Variants in ADH7 observed in about 807,000 individuals in gnomAD.
ADH7 encodes the protein alcohol dehydrogenase 7 (class IV), mu or sigma polypeptide.
ADH7 carries 41 observed loss-of-function variants against 34.4 expected under a neutral mutation model. That is an observed-to-expected ratio of 1.19 (90% CI 0.93 to 1.55). The LOEUF (loss-of-function observed/expected upper bound fraction) is 1.55. ADH7 is among the 40% of genes most tolerant of loss of function. The probability of loss-of-function intolerance (pLI) is 0.00; values close to 1 mark genes in which losing one functional copy is unlikely to be tolerated. For missense variants in ADH7, 540 were observed against 461.2 expected (o/e 1.17, Z -1.56); for synonymous variants, 180 against 160.9 (o/e 1.12, Z -0.90).
intron 7 of ADH7, 146 bp downstream of exon 7, chr4:99,418,840 C>A: frequency 1.0e-6 from 1 of 960,774 alleles, no homozygotes; most frequent in South Asian, 1.8e-5. Context: ...GGAGAATTAT[C>A]TTTTGTGTTA....
chr4:99,427,164 A>T (rs879743461), intron 5 of ADH7, among the ~76,000 whole-genome samples: 24 of 152,184 alleles, frequency 1.6e-4, no homozygotes, highest in Non-Finnish European at 3.1e-4. Context: ...CTAACATCAC[A>T]GTTGATGGAA....
Position 99,425,829 on chromosome 4 carries a change from T to C in ADH7, c.564+1944A>G, listed in dbSNP as rs1393644038. ...TGGAAGTAAAGCTCTCCTCAGCAAA[T>C]GTAAAAGAACACAAATTATAACAAA... On this transcript the variant is annotated intron_variant, in intron 5 of 8. Coordinates refer to ENST00000437033, the MANE Select transcript of ADH7 (RefSeq NM_000673.7). Among the ~76,000 whole-genome samples the C allele has an allele frequency of 3.9e-5, 6 of 152,036 alleles. No homozygotes were observed. The South Asian group carries it at 8.3e-4, about 21-fold the overall frequency.
chr4:99,415,521 T>C lies in ADH7; in HGVS notation c.1057A>G (p.Lys353Glu). Residue 353 changes from lysine to glutamate, a missense_variant, in exon 8 of 9, where the codon AAA becomes GAA. Lys to Glu is a moderately conservative substitution (Grantham distance 56). Coordinates refer to ENST00000437033, the MANE Select transcript of ADH7 (RefSeq NM_000673.7). ...DQLITHVLPF[K>E]KISEGFELLN... ...AGCTCAAATCCTTCACTGATTTTTTTAAATGGTAAAACATGAGTTATCAAC... is the reference window on the plus strand; with the variant it reads ...AGCTCAAATCCTTCACTGATTTTTTCAAATGGTAAAACATGAGTTATCAAC... The C allele has an allele frequency of 1.2e-6, 2 of 1,613,550 alleles. No individual in the cohort carries two copies. Among genetic ancestry groups the C allele is most frequent in the Non-Finnish European group, 1.7e-6 (2 of 1,179,652 alleles).
At chr4:99,434,984 C>T in intron 1 of ADH7, 1 of 1,409,692 alleles carries the variant, frequency 7.1e-7, no homozygotes, top group Non-Finnish European at 9.7e-7. Flanking sequence ...CTCTATTTTC[C>T]ACCAATGTCT....
At chr4:99,427,603 G>A (rs140563821) in intron 5 of ADH7, among the ~76,000 whole-genome samples, 170 bp downstream of exon 5, 4 of 151,804 alleles carry the variant, frequency 2.6e-5, no homozygotes, top group African/African-American at 7.2e-5. Flanking sequence ...TTTCTAATCT[G>A]AATTTTTTAT....
chr4:99,433,834 G>A (rs986056397), intron 1 of ADH7, among the ~76,000 whole-genome samples: 3 of 152,052 alleles, frequency 2.0e-5, no homozygotes, highest in Admixed American at 6.6e-5. Context: ...AAGCCACCCA[G>A]TCTGTGATAT....
chr4:99,415,607 C>T lies in ADH7; in HGVS notation c.971G>A (p.Ser324Asn). 6.2e-7 allele frequency: 1 copy of T among 1,612,488 alleles called. No individual in the cohort carries two copies. Among genetic ancestry groups the T allele is most frequent in the Non-Finnish European group, 8.5e-7 (1 of 1,179,284 alleles). The change falls in exon 8 of 9, where the codon AGC (serine) becomes AAC (asparagine). Residue 324 changes from serine to asparagine, a missense_variant. Physicochemically the swap from Ser to Asn is conservative, Grantham distance 46. Coordinates refer to ENST00000437033, the MANE Select transcript of ADH7 (RefSeq NM_000673.7). ...WKGCVFGGLK[S>N]RDDVPKLVTE... ...CACTAGTTTTGGGACATCATCTCTG[C>T]TTTTCAAACCTGCAAATAAGCACAC...
Position 99,428,579 on chromosome 4 carries a change from T to G in ADH7, c.172A>C (p.Met58Leu), listed in dbSNP as rs756108209. 1 of 1,613,938 alleles carries G rather than the reference T, an allele frequency of 6.2e-7. No homozygotes were observed. The highest frequency in any genetic ancestry group is 2.2e-5 in the East Asian group (1 of 44,866). The change falls in exon 3 of 9, where the codon ATG becomes CTG. Residue 58 changes from methionine to leucine, a missense_variant. Coordinates refer to ENST00000437033, the MANE Select transcript of ADH7 (RefSeq NM_000673.7). The part of the protein sequence containing the change: ...RTDDHVIKGT[M>L]VSKFPVIVGH... ...ACAATCACTGGAAACTTGGACACCA[T>G]TGTTCCTTTTATCACATGGTCATCT...
In ADH7 at chr4:99,429,581, A is replaced by C. The variant is rs61754859; in HGVS notation, c.71T>G (p.Ile24Ser). 9 of 1,612,534 alleles carry C rather than the reference A, an allele frequency of 5.6e-6. No individual in the cohort carries two copies. Among genetic ancestry groups the C allele is most frequent in the Non-Finnish European group, 7.6e-6 (9 of 1,179,272 alleles). ...TGGTGGGGCAACTTCTATTTCCTCAATGGAGAAGGGTTGCTTCTGCTCCCA... is the reference window on the plus strand; with the variant it reads ...TGGTGGGGCAACTTCTATTTCCTCACTGGAGAAGGGTTGCTTCTGCTCCCA... ...VLWEQKQPFS[I>S]EEIEVAPPKT... is the part of the protein sequence containing the mutation. The change falls in exon 2 of 9, where the codon ATT becomes AGT. Residue 24 changes from isoleucine to serine, a missense_variant. Physicochemically the swap from Ile to Ser is moderately radical, Grantham distance 142. Coordinates refer to ENST00000437033, the MANE Select transcript of ADH7 (RefSeq NM_000673.7).
chr4:99,424,091 A>G (rs1721739154), intron 5 of ADH7, among the ~76,000 whole-genome samples: 1 of 151,984 alleles, frequency 6.6e-6, no homozygotes. Context: ...TCAGCTTTCT[A>G]CATATGGCTA....
chr4:99,434,944 A>G, intron 1 of ADH7: 1 of 1,244,484 alleles, frequency 8.0e-7, no homozygotes, highest in Non-Finnish European at 1.1e-6. Flanking sequence ...CGGAAATCAA[A>G]TTATGAATAA....
Position 99,435,265 on chromosome 4 carries a change from A to C in ADH7, c.-32T>G. 6.2e-7 allele frequency: 1 copy of C among 1,613,288 alleles called. No individual in the cohort carries two copies. The highest frequency in any genetic ancestry group is 8.5e-7 in the Non-Finnish European group (1 of 1,179,666). Reference sequence around the variant, plus strand: ...TTTGTCTTGGATCTGTATTTCTGCAAACATAGACTTTTTCTGACTGATGCT... The same window carrying C: ...TTTGTCTTGGATCTGTATTTCTGCACACATAGACTTTTTCTGACTGATGCT... On this transcript the variant is annotated 5_prime_UTR_variant, in exon 1 of 9. Transcript: ENST00000437033.
intron 8 of ADH7, chr4:99,415,197 TC>T (rs1026197664): frequency 4.7e-5 from 16 of 337,362 alleles, no homozygotes; most frequent in African/African-American, 3.5e-4. Flanking sequence ...CTCTTTGCCT[TC>T]CACCATGATT....
intron 6 of ADH7, 58 bp downstream of exon 6, chr4:99,420,475 A>G: frequency 6.6e-7 from 1 of 1,526,472 alleles, no homozygotes; most frequent in South Asian, 1.2e-5. Flanking sequence ...AATTAAATTT[A>G]CCTTGTGCAT....
At chr4:99,419,910 A>AT (rs1041186822) in intron 6 of ADH7, among the ~76,000 whole-genome samples, 1 of 152,062 alleles carries the variant, frequency 6.6e-6, no homozygotes, top group African/African-American at 2.4e-5. Context: ...GCTTTATTCC[A>AT]TTTTTCCTAG....
chr4:99,416,932 T>C (rs1282571659), intron 7 of ADH7, among the ~76,000 whole-genome samples: 2 of 152,172 alleles, frequency 1.3e-5, no homozygotes, highest in South Asian at 2.1e-4. Flanking sequence ...ATGATTCCTG[T>C]TGCTTAGGCC....
At chr4:99,434,382 A>G (rs1722001845) in intron 1 of ADH7, among the ~76,000 whole-genome samples, 2 of 152,160 alleles carry the variant, frequency 1.3e-5, no homozygotes, top group Admixed American at 1.3e-4. Flanking sequence ...AACTTATTTC[A>G]AATTCTAACA....
chr4:99,415,796 A>G (rs2110132419), intron 7 of ADH7, 180 bp from the exon 8 acceptor site: 1 of 545,494 alleles, frequency 1.8e-6, no homozygotes, highest in Non-Finnish European at 3.1e-6. Context: ...GCAGCCATAA[A>G]AAAGAATGAG....
At chr4:99,416,816 C>A (rs1051858996) in intron 7 of ADH7, among the ~76,000 whole-genome samples, 1 of 152,108 alleles carries the variant, frequency 6.6e-6, no homozygotes, top group Non-Finnish European at 1.5e-5. Context: ...CAGGTACCTG[C>A]ACAAGTGTAA....
Sources: allele counts gnomAD v4.1 joint callset (sites outside exome capture counted in the v4.1 genomes callset), GRCh38; gene constraint gnomAD v4.1.1; transcripts MANE v1.5; gene names NCBI Gene and HGNC (gene_info 2026-07-23, HGNC 2026-07-21).